LRP1B: variants seen among roughly 807,000 people sequenced by gnomAD.
LRP1B encodes the protein LDL receptor related protein 1B.
LRP1B carries 217 observed loss-of-function variants against 556.6 expected under a neutral mutation model. The ratio of observed to expected loss-of-function variants is 0.39; its 90% CI spans 0.35 to 0.44. The LOEUF (loss-of-function observed/expected upper bound fraction) is 0.44. LRP1B is among the 20% of genes least tolerant of loss of function. LRP1B has a pLI of 1.00. For synonymous variants in LRP1B, 2,047 were observed against 1,865.8 expected (o/e 1.10, Z -2.50); for missense variants, 5,053 against 5,620.8 (o/e 0.90, Z 3.23).
At chr2:140,580,691 A>C (rs1681726613) in intron 43 of LRP1B, among the ~76,000 whole-genome samples, 2 of 151,900 alleles carry the variant, frequency 1.3e-5, no homozygotes, top group African/African-American at 4.9e-5. Flanking sequence ...AAAATGAAAA[A>C]GAAAAACTAC....
chr2:140,234,274 T>G (rs140158160), intron 90 of LRP1B, among the ~76,000 whole-genome samples: 101 of 151,424 alleles, frequency 6.7e-4, no homozygotes, highest in African/African-American at 2.2e-3. Context: ...TAAAATGAAC[T>G]ATGTAACTTT....
intron 7 of LRP1B, among the ~76,000 whole-genome samples, chr2:141,096,669 A>AGAGG (rs1700325711): frequency 3.1e-5 from 4 of 130,138 alleles, no homozygotes; most frequent in South Asian, 2.6e-4. Context: ...AGAGAGAGAG[A>AGAGG]GAGAGAGAGA....
intron 31 of LRP1B, among the ~76,000 whole-genome samples, chr2:140,835,054 G>A (rs73964705): frequency 6.6e-6 from 1 of 152,178 alleles, no homozygotes; most frequent in Non-Finnish European, 1.5e-5. Context: ...TTTCTCAATG[G>A]TTTTGAAATG....
intron 23 of LRP1B, among the ~76,000 whole-genome samples, chr2:140,893,720 G>A (rs1291488517): frequency 6.6e-6 from 1 of 152,154 alleles, no homozygotes; most frequent in Non-Finnish European, 1.5e-5. Context: ...GTTTTGAAGA[G>A]TGTAAAGGAT....
At chr2:142,063,883 G>A (rs1318351302) in intron 1 of LRP1B, among the ~76,000 whole-genome samples, 2 of 151,478 alleles carry the variant, frequency 1.3e-5, no homozygotes, top group African/African-American at 4.8e-5. Flanking sequence ...CACCCTATAA[G>A]TATTTCCTGG....
chr2:141,377,876 T>G (rs1037900643), intron 3 of LRP1B, among the ~76,000 whole-genome samples: 1 of 152,202 alleles, frequency 6.6e-6, no homozygotes, highest in African/African-American at 2.4e-5. Context: ...ACATTGTCTA[T>G]GCTATCACTA....
rs1247839414 is a variant in LRP1B, at chr2:141,361,289, T to C, written c.344-106648A>G. Among the ~76,000 whole-genome samples the C allele has an allele frequency of 2.6e-5, 4 of 152,250 alleles. No homozygotes were observed. In the South Asian group the frequency reaches 8.3e-4, roughly 32 times the overall value. On this transcript the variant is annotated intron_variant, in intron 3 of 90. Coordinates refer to ENST00000389484, the MANE Select transcript of LRP1B (RefSeq NM_018557.3). Reference sequence around the variant, plus strand: ...TCATGAATCTTATCTTTTATTCACATTTAAAAACAATTTTAAAATAATTGT... The same window carrying C: ...TCATGAATCTTATCTTTTATTCACACTTAAAAACAATTTTAAAATAATTGT...
At position 140,233,016 on chromosome 2, in the gene LRP1B, CAATA is replaced by C. The variant is rs1377602153; in HGVS notation, c.*166_*169del. 11 of 457,152 alleles carry C rather than the reference CAATA, an allele frequency of 2.4e-5. No individual in the cohort carries two copies. Among genetic ancestry groups the C allele is most frequent in the East Asian group, 2.0e-4 (6 of 29,908 alleles). 28.3% of individuals were successfully genotyped at this position (457,152 alleles called of 1,614,324 possible). On this transcript the variant is annotated 3_prime_UTR_variant, in exon 91 of 91. Coordinates refer to ENST00000389484, the MANE Select transcript of LRP1B (RefSeq NM_018557.3). ...TAAAAATACCATACAAATGGTCAATCAATAGTCATCAGCAAAAAATAAAACCCAA... is the reference window on the plus strand; with the variant it reads ...TAAAAATACCATACAAATGGTCAATCGTCATCAGCAAAAAATAAAACCCAA...
intron 65 of LRP1B, among the ~76,000 whole-genome samples, chr2:140,443,902 C>T (rs1231930904): frequency 1.3e-5 from 2 of 152,156 alleles, no homozygotes; most frequent in Admixed American, 1.3e-4. Flanking sequence ...TATGTCTCTT[C>T]ATGAGTGCAA....
At chr2:141,302,618 T>A (rs1686438601) in intron 3 of LRP1B, among the ~76,000 whole-genome samples, 1 of 152,094 alleles carries the variant, frequency 6.6e-6, no homozygotes, top group Non-Finnish European at 1.5e-5. Context: ...TACTATACAT[T>A]CTTAATTGTA....
intron 32 of LRP1B, among the ~76,000 whole-genome samples, chr2:140,801,870 C>T (rs1690526097): frequency 6.6e-6 from 1 of 152,038 alleles, no homozygotes; most frequent in Non-Finnish European, 1.5e-5. Flanking sequence ...TAAGAGGCAA[C>T]TGCTGTAGCT....
chr2:141,437,268 A>G (rs1481244187), intron 3 of LRP1B, among the ~76,000 whole-genome samples: 2 of 152,108 alleles, frequency 1.3e-5, no homozygotes, highest in African/African-American at 4.8e-5. Flanking sequence ...CTGTTAGAAG[A>G]TTTTGTAATT....
chr2:142,000,930 T>A (rs1185188632), intron 1 of LRP1B, among the ~76,000 whole-genome samples: 6 of 152,142 alleles, frequency 3.9e-5, no homozygotes. Context: ...GCTCCCATAA[T>A]TCCCATATGT....
chr2:141,958,113 G>C (rs1012408621), intron 1 of LRP1B, among the ~76,000 whole-genome samples: 3 of 151,938 alleles, frequency 2.0e-5, no homozygotes, highest in Admixed American at 6.6e-5. Flanking sequence ...ACACTTCAGG[G>C]GTGAATTAGT....
intron 7 of LRP1B, among the ~76,000 whole-genome samples, chr2:141,140,236 C>T (rs1355700740): frequency 6.6e-6 from 1 of 152,004 alleles, no homozygotes; most frequent in Non-Finnish European, 1.5e-5. Context: ...TGTACAGGAT[C>T]ATTATTTTGA....
At chr2:141,126,037 ATT>A (rs61318987) in intron 7 of LRP1B, among the ~76,000 whole-genome samples, 165 of 144,536 alleles carry the variant, frequency 1.1e-3, no homozygotes, top group Non-Finnish European at 1.8e-3. Flanking sequence ...TCTTCCTTTT[ATT>A]TTTTTTTTTT....
chr2:141,614,582 C>T (rs539768852), intron 2 of LRP1B, among the ~76,000 whole-genome samples: 10 of 152,070 alleles, frequency 6.6e-5, no homozygotes, highest in Non-Finnish European at 1.3e-4. Flanking sequence ...GACACAAAGG[C>T]AAATGCACAC....
intron 35 of LRP1B, among the ~76,000 whole-genome samples, chr2:140,722,964 A>T (rs1177566944): frequency 6.6e-6 from 1 of 152,080 alleles, no homozygotes. Flanking sequence ...AATGGTGTAA[A>T]CCCGGGAGGC....
chr2:142,044,377 C>T (rs1011136023), intron 1 of LRP1B, among the ~76,000 whole-genome samples: 11 of 151,656 alleles, frequency 7.3e-5, no homozygotes, highest in African/African-American at 2.7e-4. Context: ...CTGGCTAGCT[C>T]CTGCTTGTTT....
Sources: allele counts gnomAD v4.1 joint callset (sites outside exome capture counted in the v4.1 genomes callset), GRCh38; gene constraint gnomAD v4.1.1; transcripts MANE v1.5; gene names NCBI Gene and HGNC (gene_info 2026-07-23, HGNC 2026-07-21).